CRACD: variants seen among roughly 807,000 people sequenced by gnomAD.
The protein encoded by CRACD is capping protein inhibiting regulator of actin dynamics, also known as capping protein-inhibiting regulator of actin dynamics.
Under a neutral mutation model 106.8 loss-of-function variants are expected in CRACD, and 56 were observed. The ratio of observed to expected loss-of-function variants is 0.52; its 90% CI spans 0.42 to 0.66. The LOEUF is 0.66. Ranked by LOEUF, CRACD falls within the 30% of genes least tolerant of loss-of-function variation. CRACD has a pLI of 0.00. For missense variants in CRACD, 1,730 were observed against 1,623.2 expected, an observed-to-expected ratio of 1.07 and a Z score of -1.13; for synonymous variants, 754 against 670.8, an observed-to-expected ratio of 1.12 and a Z score of -1.92.
intron 1 of CRACD, among the ~76,000 whole-genome samples, chr4:56,055,962 A>G (rs1732044969): frequency 6.6e-6 from 1 of 152,238 alleles, no homozygotes; most frequent in African/African-American, 2.4e-5. Flanking sequence ...AAGCCTGTGC[A>G]CATTTGTATT....
intron 3 of CRACD, among the ~76,000 whole-genome samples, chr4:56,286,735 T>C (rs1187320746): frequency 6.6e-6 from 1 of 152,148 alleles, no homozygotes; most frequent in African/African-American, 2.4e-5. Flanking sequence ...GTTAACATCT[T>C]ACTGTGTGTT....
At chr4:56,318,415 T>C (rs1392668026) in intron 8 of CRACD, among the ~76,000 whole-genome samples, 1 of 152,090 alleles carries the variant, frequency 6.6e-6, no homozygotes, top group Non-Finnish European at 1.5e-5. Flanking sequence ...GAGGGGCCCG[T>C]TTTTGGTTTT....
chr4:56,291,930 G>T (rs1402549537), intron 3 of CRACD, among the ~76,000 whole-genome samples: 1 of 152,190 alleles, frequency 6.6e-6, no homozygotes, highest in Non-Finnish European at 1.5e-5. Flanking sequence ...AAGCAGCCTT[G>T]GAACTGGGTA....
At chr4:56,205,233 C>G (rs1014957532) in intron 2 of CRACD, among the ~76,000 whole-genome samples, 2 of 152,016 alleles carry the variant, frequency 1.3e-5, no homozygotes, top group South Asian at 4.2e-4. Context: ...ATAAGTAATG[C>G]GTACACCCAG....
chr4:56,211,046 G>A (rs1330381890), intron 2 of CRACD, among the ~76,000 whole-genome samples: 2 of 152,106 alleles, frequency 1.3e-5, no homozygotes, highest in African/African-American at 2.4e-5. Flanking sequence ...ATATCAGTAG[G>A]CATCCCTAGA....
At chr4:56,181,451 C>G (rs1736816431) in intron 2 of CRACD, among the ~76,000 whole-genome samples, 1 of 152,152 alleles carries the variant, frequency 6.6e-6, no homozygotes, top group Non-Finnish European at 1.5e-5. Context: ...TTATTTTCTT[C>G]TGCAGTTAAA....
intron 1 of CRACD, among the ~76,000 whole-genome samples, chr4:56,145,775 C>G (rs1236241169): frequency 6.6e-6 from 1 of 151,956 alleles, no homozygotes; most frequent in Non-Finnish European, 1.5e-5. Context: ...TGACTCCACA[C>G]CCAGCTAATT....
intron 1 of CRACD, among the ~76,000 whole-genome samples, chr4:56,116,692 G>T (rs1734296443): frequency 6.6e-6 from 1 of 152,044 alleles, no homozygotes; most frequent in South Asian, 2.1e-4. Flanking sequence ...CCAAGTGACA[G>T]AATTTTTTAT....
rs1002351513 is a variant in CRACD at position 56,315,143 on chromosome 4, G to C, written c.1641G>C (p.Gln547His). 4.4e-6 allele frequency: 7 copies of C among 1,608,248 alleles called. No homozygotes were observed. The highest frequency in any genetic ancestry group is 1.1e-5 in the South Asian group (1 of 89,596). ...TCCAGGTGTCCTCCGGAGGGAAGCA[G>C]ATTCTCTTTCCCAAAGTCAACCTGA... ...YTFQVSSGGK[Q>H]ILFPKVNLSP... The change falls in exon 8 of 11, where the codon CAG becomes CAC. Residue 547 changes from glutamine (Q) to histidine (H), a missense_variant. Transcript: ENST00000682029. The surrounding 1 kb of genome is among the most constrained non-coding windows in gnomAD (Gnocchi z 4.1).
intron 2 of CRACD, among the ~76,000 whole-genome samples, chr4:56,267,523 A>G (rs1742094052): frequency 6.6e-6 from 1 of 152,344 alleles, no homozygotes; most frequent in African/African-American, 2.4e-5. Context: ...GTCACCATAC[A>G]CTAATAAGAC....
At chr4:56,324,646 C>T (rs1746314782) in intron 10 of CRACD, among the ~76,000 whole-genome samples, 1 of 152,224 alleles carries the variant, frequency 6.6e-6, no homozygotes, top group Non-Finnish European at 1.5e-5. Context: ...GAGCCATCTC[C>T]AGCACCCTCT....
intron 1 of CRACD, among the ~76,000 whole-genome samples, chr4:56,103,211 C>T (rs1045439334): frequency 6.6e-6 from 1 of 152,206 alleles, no homozygotes; most frequent in Non-Finnish European, 1.5e-5. Context: ...TAGACGTACA[C>T]ATATTCTTCA....
intron 2 of CRACD, among the ~76,000 whole-genome samples, chr4:56,201,002 A>G (rs1737856983): frequency 2.0e-5 from 3 of 152,248 alleles, no homozygotes; most frequent in Admixed American, 2.0e-4. Flanking sequence ...AGGAGAAAAA[A>G]TACTGATTTC....
intron 2 of CRACD, among the ~76,000 whole-genome samples, chr4:56,203,264 G>T (rs1001444849): frequency 2.0e-5 from 3 of 152,170 alleles, no homozygotes; most frequent in Admixed American, 2.0e-4. Flanking sequence ...CAAGGGTCTG[G>T]CCAGGTATGG....
chr4:56,074,371 A>G (rs113754350), intron 1 of CRACD, among the ~76,000 whole-genome samples: 7 of 152,020 alleles, frequency 4.6e-5, no homozygotes, highest in African/African-American at 1.7e-4. Flanking sequence ...TTGAGCAGTG[A>G]TTTGTAGTTC....
chr4:56,219,860 T>C (rs1738931378), intron 2 of CRACD, among the ~76,000 whole-genome samples: 1 of 152,182 alleles, frequency 6.6e-6, no homozygotes, highest in Non-Finnish European at 1.5e-5. Flanking sequence ...TGTGTGTGTT[T>C]AGTAAGAAGT....
intron 2 of CRACD, among the ~76,000 whole-genome samples, chr4:56,199,768 T>C (rs1226338940): frequency 2.6e-5 from 4 of 152,088 alleles, no homozygotes; most frequent in African/African-American, 9.7e-5. Flanking sequence ...AATATTGTTC[T>C]GCTTTATGCC....
intron 10 of CRACD, among the ~76,000 whole-genome samples, chr4:56,326,518 G>A (rs1353918477): frequency 6.6e-6 from 1 of 152,196 alleles, no homozygotes; most frequent in Non-Finnish European, 1.5e-5. Flanking sequence ...TTCTCAGTCA[G>A]TATTTCCTGA....
chr4:56,077,332 C>G (rs913217882), intron 1 of CRACD, among the ~76,000 whole-genome samples: 1 of 152,158 alleles, frequency 6.6e-6, no homozygotes, highest in Non-Finnish European at 1.5e-5. Flanking sequence ...TGGGGGAAAC[C>G]GATTCAGTTC....
Sources: allele counts gnomAD v4.1 joint callset (sites outside exome capture counted in the v4.1 genomes callset), GRCh38; gene constraint gnomAD v4.1.1; non-coding constraint Gnocchi (gnomAD v3.1); transcripts MANE v1.5; gene names NCBI Gene and HGNC (gene_info 2026-07-23, HGNC 2026-07-21).